KLF7: variants seen among roughly 807,000 people sequenced by gnomAD.
KLF7 encodes KLF transcription factor 7, also known as Krueppel-like factor 7.
A neutral mutation model predicts 27.3 loss-of-function variants in KLF7; 2 were observed. The ratio of observed to expected loss-of-function variants is 0.07; its 90% CI spans 0.03 to 0.23. The LOEUF (loss-of-function observed/expected upper bound fraction) is 0.23. Among genes scored for constraint, KLF7 ranks in the 10% least tolerant of loss-of-function variants. The pLI is 1.00. For synonymous variants in KLF7, 165 were observed against 162.4 expected (o/e 1.02, Z -0.12); for missense variants, 221 against 394.1 (o/e 0.56, Z 3.72).
At chr2:207,151,871 T>C (rs1370648657) in intron 1 of KLF7, among the ~76,000 whole-genome samples, 2 of 152,082 alleles carry the variant, frequency 1.3e-5, no homozygotes, top group Non-Finnish European at 2.9e-5. Flanking sequence ...TTTAAATGGC[T>C]TTTTTTAATC....
intron 2 of KLF7, 108 bp downstream of exon 2, chr2:207,123,663 ACCT>A: frequency 2.5e-6 from 3 of 1,207,858 alleles, no homozygotes; most frequent in Non-Finnish European, 3.5e-6. Context: ...CCTGTCTATC[ACCT>A]CCTCATCAGC....
At position 207,156,147 on chromosome 2, in the gene KLF7, C is replaced by G. The variant is rs143526677; in HGVS notation, c.102+9320G>C. ...TTGCCAACCATACCCCCATCAAAGA[C>G]AGTTTACAGATGAAAGGATGTAGCT... On this transcript the variant is annotated intron_variant, in intron 1 of 3. Coordinates refer to ENST00000309446, the MANE Select transcript of KLF7 (RefSeq NM_003709.4). 1.1e-3 allele frequency among the ~76,000 whole-genome samples: 169 copies of G among 152,278 alleles called. 2 individuals carry two copies. Among genetic ancestry groups the G allele is most frequent in the African/African-American group, 3.6e-3 (150 of 41,550 alleles).
At chr2:207,090,386 G>C (rs565771594) in intron 2 of KLF7, among the ~76,000 whole-genome samples, 1 of 152,360 alleles carries the variant, frequency 6.6e-6, no homozygotes, top group East Asian at 1.9e-4. Context: ...TTGGGATCTT[G>C]CTGCGTTCAT....
At chr2:207,169,654 T>C (rs1024196094), upstream of KLF7, among the ~76,000 whole-genome samples, 6 of 152,234 alleles carry the variant, frequency 3.9e-5, no homozygotes, top group African/African-American at 7.2e-5. Flanking sequence ...ACAAGTCTTA[T>C]CAGCACAATT....
At chr2:207,129,724 G>A (rs1178296891) in intron 1 of KLF7, among the ~76,000 whole-genome samples, 1 of 129,984 alleles carries the variant, frequency 7.7e-6, no homozygotes, top group Admixed American at 8.3e-5. Flanking sequence ...CCTACAAGGA[G>A]GACCTGACTT....
At chr2:207,105,551 A>G (rs985369220) in intron 2 of KLF7, among the ~76,000 whole-genome samples, 1 of 152,218 alleles carries the variant, frequency 6.6e-6, no homozygotes, top group African/African-American at 2.4e-5. Flanking sequence ...AAGCCAAGAA[A>G]GGGACACAGA....
chr2:207,099,550 C>T (rs1159164200), intron 2 of KLF7, among the ~76,000 whole-genome samples: 10 of 22,842 alleles, frequency 4.4e-4, no homozygotes, highest in East Asian at 1.6e-3. Flanking sequence ...GCTACATATG[C>T]GATATATATA....
At chr2:207,081,368 C>T (rs2076268152) in intron 3 of KLF7, 104 bp from the exon 4 acceptor site, 2 of 1,012,966 alleles carry the variant, frequency 2.0e-6, no homozygotes, top group Admixed American at 3.6e-5. Flanking sequence ...AGAGACAGTG[C>T]ACATGCATTG....
chr2:207,083,291 CCT>C (rs2076316577), intron 3 of KLF7, among the ~76,000 whole-genome samples: 2 of 152,144 alleles, frequency 1.3e-5, no homozygotes, highest in African/African-American at 4.8e-5. Context: ...GTTCTCTTTC[CCT>C]CTCTCCCTCT....
rs1192799667 is a variant in KLF7, at chr2:207,088,466, G to A, written c.849C>T (p.His283=). Residue 283 remains histidine, a synonymous_variant, in exon 3 of 4, where the codon CAC becomes CAT. Transcript: ENST00000309446. The part of the protein sequence containing the change: ...HTGAKPFKCN[H]CDRCFSRSDH... ...CTTCTACTTCTCTTTACCTGTCGCA[G>A]TGGTTGCATTTGAAGGGCTTTGCAC... 2.5e-6 allele frequency: 4 copies of A among 1,613,624 alleles called. No individual in the cohort carries two copies. The highest frequency in any genetic ancestry group is 3.4e-6 in the Non-Finnish European group (4 of 1,179,686).
intron 1 of KLF7, among the ~76,000 whole-genome samples, chr2:207,155,668 T>A (rs1486004600): frequency 6.6e-6 from 1 of 152,102 alleles, no homozygotes; most frequent in Non-Finnish European, 1.5e-5. Flanking sequence ...GGCTGAACAA[T>A]CTTGGAAGAA....
chr2:207,141,319 C>A (rs145180826), intron 1 of KLF7, among the ~76,000 whole-genome samples: 1 of 152,034 alleles, frequency 6.6e-6, no homozygotes, highest in South Asian at 2.1e-4. Context: ...TGATACAAGA[C>A]CACATACTTG....
At chr2:207,148,767 C>T (rs2078164685) in intron 1 of KLF7, among the ~76,000 whole-genome samples, 1 of 152,154 alleles carries the variant, frequency 6.6e-6, no homozygotes. Flanking sequence ...ACCACAGTTC[C>T]CACCACTCTC....
chr2:207,166,711 G>C (rs971777278), upstream of KLF7: 3 of 802,786 alleles, frequency 3.7e-6, no homozygotes, highest in African/African-American at 5.6e-5. Context: ...GCCTGGGCAC[G>C]GGGCAGGGAC....
At chr2:207,157,471 G>A (rs544477655) in intron 1 of KLF7, among the ~76,000 whole-genome samples, 5 of 152,228 alleles carry the variant, frequency 3.3e-5, no homozygotes, top group Non-Finnish European at 7.4e-5. Context: ...ACAGAAGCAG[G>A]AAAAGCATAG....
intron 2 of KLF7, among the ~76,000 whole-genome samples, chr2:207,112,521 T>C (rs1424419412): frequency 6.6e-6 from 1 of 152,224 alleles, no homozygotes; most frequent in African/African-American, 2.4e-5. Flanking sequence ...TAACAGCCAT[T>C]AGTGTCAAAT....
chr2:207,094,979 T>C (rs927519955), intron 2 of KLF7, among the ~76,000 whole-genome samples: 8 of 151,648 alleles, frequency 5.3e-5, no homozygotes, highest in African/African-American at 1.9e-4. Flanking sequence ...GTTTACACAG[T>C]GCACCAGTCA....
chr2:207,097,662 G>C (rs1298130502), intron 2 of KLF7, among the ~76,000 whole-genome samples: 1 of 152,158 alleles, frequency 6.6e-6, no homozygotes, highest in Non-Finnish European at 1.5e-5. Context: ...GATTCTTGGT[G>C]AATTTGTTTG....
intron 1 of KLF7, among the ~76,000 whole-genome samples, chr2:207,132,999 G>C (rs1211021511): frequency 6.6e-6 from 1 of 152,206 alleles, no homozygotes; most frequent in Non-Finnish European, 1.5e-5. Context: ...TCTACCCACA[G>C]TTGCAGAGAG....
Sources: gnomAD v4.1 joint callset for allele counts (sites outside exome capture counted in the v4.1 genomes callset) on GRCh38, gnomAD v4.1.1 for gene constraint, MANE v1.5 for transcripts, NCBI Gene and HGNC (gene_info 2026-07-23, HGNC 2026-07-21) for gene names.